Variants in DNAH11 observed in about 807,000 individuals in gnomAD.
The protein encoded by DNAH11 is axonemal beta dynein heavy chain 11.
A neutral mutation model predicts 526.0 loss-of-function variants in DNAH11; 442 were observed. That is an observed-to-expected ratio of 0.84 (90% CI 0.78 to 0.91). The LOEUF (loss-of-function observed/expected upper bound fraction) is 0.91. Among genes scored for constraint, DNAH11 ranks in the 40% least tolerant of loss-of-function variants. DNAH11 has a pLI of 0.00. For missense variants in DNAH11, 6,989 were observed against 5,448.7 expected (o/e 1.28, Z -8.90); for synonymous variants, 2,461 against 1,935.9 (o/e 1.27, Z -7.12).
chr7:21,898,333 C>T (rs1784603751), intron 79 of DNAH11, among the ~76,000 whole-genome samples: 1 of 152,182 alleles, frequency 6.6e-6, no homozygotes, highest in Admixed American at 6.5e-5. Context: ...AGAGATTTTC[C>T]TTGTGGTGAC....
At chr7:21,772,677 A>G (rs1787489798) in intron 55 of DNAH11, among the ~76,000 whole-genome samples, 1 of 152,236 alleles carries the variant, frequency 6.6e-6, no homozygotes, top group African/African-American at 2.4e-5. Flanking sequence ...CTTTTGTTTT[A>G]GTAATACATT....
At chr7:21,831,156 C>G (rs1790535095) in intron 65 of DNAH11, among the ~76,000 whole-genome samples, 1 of 152,138 alleles carries the variant, frequency 6.6e-6, no homozygotes, top group African/African-American at 2.4e-5. Context: ...AGCCACACTT[C>G]CAAATTTTAT....
chr7:21,766,864 G>A (rs891909793), intron 55 of DNAH11, among the ~76,000 whole-genome samples: 7 of 152,242 alleles, frequency 4.6e-5, no homozygotes, highest in South Asian at 4.2e-4. Context: ...GGGAAGAGCC[G>A]TCAAGCAACA....
At chr7:21,612,532 G>A (rs974514444) in intron 20 of DNAH11, among the ~76,000 whole-genome samples, 2 of 136,288 alleles carry the variant, frequency 1.5e-5, no homozygotes, top group African/African-American at 2.8e-5. Flanking sequence ...TCCAGCCTGG[G>A]CGACAGAGTG....
chr7:21,829,728 G>A (rs1434072235), intron 65 of DNAH11, among the ~76,000 whole-genome samples: 8 of 152,140 alleles, frequency 5.3e-5, no homozygotes, highest in African/African-American at 1.4e-4. Flanking sequence ...AGTAAAAGGG[G>A]CATCATTCGT....
intron 28 of DNAH11, among the ~76,000 whole-genome samples, chr7:21,647,035 T>C (rs1054107965): frequency 2.6e-5 from 4 of 152,176 alleles, no homozygotes; most frequent in African/African-American, 9.7e-5. Context: ...GCCAATAAGA[T>C]ATTAAAAGTA....
rs182808328 is a variant in DNAH11, at chr7:21,787,432, A to G, written c.9773A>G (p.Tyr3258Cys). ...GATTTTTTGCAAGCATTAATTAACT[A>G]TGACAAAGAGCACATTCCAGAGAAC... ...VDDFLQALINYDKEHIPENCL... is the reference protein window; with the variant it reads ...VDDFLQALINCDKEHIPENCL... The change falls in exon 60 of 82, where the codon TAT (tyrosine) becomes TGT (cysteine). Residue 3258 changes from tyrosine to cysteine, a missense_variant. Physicochemically the swap from Tyr to Cys is radical, Grantham distance 194. Transcript: ENST00000409508. 320 of 1,611,154 alleles carry G rather than the reference A, an allele frequency of 2.0e-4. 2 individuals are homozygous for G. The African/African-American group carries it at 3.6e-3, about 18-fold the overall frequency.
chr7:21,827,652 A>T (rs1266312911), intron 65 of DNAH11, among the ~76,000 whole-genome samples: 1 of 122,886 alleles, frequency 8.1e-6, no homozygotes, highest in Non-Finnish European at 1.6e-5. Context: ...GATTTAAAAA[A>T]TTTATTTTTA....
At chr7:21,712,708 C>A (rs1562503774) in intron 42 of DNAH11, among the ~76,000 whole-genome samples, 1 of 152,072 alleles carries the variant, frequency 6.6e-6, no homozygotes, top group East Asian at 1.9e-4. Flanking sequence ...AGTTCTTTGC[C>A]CAGTTTTTAA....
At chr7:21,870,341 T>C (rs1340232145) in intron 73 of DNAH11, among the ~76,000 whole-genome samples, 1 of 151,966 alleles carries the variant, frequency 6.6e-6, no homozygotes, top group African/African-American at 2.4e-5. Flanking sequence ...GCTTCCAGAG[T>C]CCAAGCAGGC....
chr7:21,744,693 G>A (rs749705150), intron 50 of DNAH11, 94 bp downstream of exon 50: 1 of 1,517,486 alleles, frequency 6.6e-7, no homozygotes. Context: ...AGTGCACAAG[G>A]GCTTACCTTT....
At chr7:21,615,590 C>T (rs1785735162) in intron 21 of DNAH11, among the ~76,000 whole-genome samples, 1 of 151,718 alleles carries the variant, frequency 6.6e-6, no homozygotes, top group Admixed American at 6.6e-5. Flanking sequence ...GTGTAGTCAT[C>T]TGTGCATACC....
At chr7:21,565,980 TGGGTCCTAATGGCGC>T (rs1783651147) in intron 6 of DNAH11, among the ~76,000 whole-genome samples, 1 of 152,188 alleles carries the variant, frequency 6.6e-6, no homozygotes, top group Non-Finnish European at 1.5e-5. Context: ...ACAGGTTCCC[TGGGTCCTAATGGCGC>T]GGGTCTCTAT....
At chr7:21,574,564 CT>C (rs35535321) in intron 8 of DNAH11, among the ~76,000 whole-genome samples, 271 of 123,830 alleles carry the variant, frequency 2.2e-3, no homozygotes, top group East Asian at 0.019. Flanking sequence ...CCCTTCCTTC[CT>C]TTTTTTTTTT....
intron 54 of DNAH11, among the ~76,000 whole-genome samples, chr7:21,763,232 C>T (rs1467321778): frequency 6.6e-6 from 1 of 151,308 alleles, no homozygotes; most frequent in Non-Finnish European, 1.5e-5. Flanking sequence ...GTCCCAGCTA[C>T]TCAGGAGGCT....
At chr7:21,769,065 AGAAATTGTGT>A (rs71877398) in intron 55 of DNAH11, among the ~76,000 whole-genome samples, 19,179 of 152,220 alleles carry the variant, frequency 0.13, 1,804 homozygotes, top group African/African-American at 0.25. Flanking sequence ...CTTATGCAGT[AGAAATTGTGT>A]GAATTTGAGG....
At chr7:21,711,912 T>G in intron 42 of DNAH11, 52 bp downstream of exon 42, 2 of 1,549,034 alleles carry the variant, frequency 1.3e-6, no homozygotes, top group Non-Finnish European at 1.7e-6. Flanking sequence ...ACATAACATT[T>G]ACCATTTTCA....
chr7:21,830,551 A>G (rs1790508132), intron 65 of DNAH11, among the ~76,000 whole-genome samples: 1 of 152,228 alleles, frequency 6.6e-6, no homozygotes, highest in East Asian at 1.9e-4. Flanking sequence ...TGCCACTGTC[A>G]GAGCAAATTA....
In DNAH11 at chr7:21,613,403, T is replaced by G. The variant is rs539250766; in HGVS notation, c.3853-1711T>G. 5.9e-5 allele frequency among the ~76,000 whole-genome samples: 9 copies of G among 152,324 alleles called. No homozygotes were observed. The South Asian group carries it at 1.9e-3, about 32-fold the overall frequency. ...CATTAAAAATTATTAGTCATATTTC[T>G]TAGGCTAGGTGGGGAACAAACGCAT... On this transcript the variant is annotated intron_variant, in intron 20 of 81. Coordinates refer to ENST00000409508, the MANE Select transcript of DNAH11 (RefSeq NM_001277115.2).
Sources: allele counts gnomAD v4.1 joint callset (sites outside exome capture counted in the v4.1 genomes callset), GRCh38; gene constraint gnomAD v4.1.1; transcripts MANE v1.5; gene names NCBI Gene and HGNC (gene_info 2026-07-23, HGNC 2026-07-21).